The following KCNH1 variants were observed in gnomAD, a reference collection of about 807,000 sequenced individuals.
The protein encoded by KCNH1 is voltage-gated delayed rectifier potassium channel KCNH1.
A neutral mutation model predicts 69.2 loss-of-function variants in KCNH1; 27 were observed. The ratio of observed to expected loss-of-function variants is 0.39; its 90% CI spans 0.29 to 0.54. KCNH1 has a LOEUF of 0.54. KCNH1 is among the 20% of genes least tolerant of loss of function. KCNH1 has a pLI of 0.68. For synonymous variants in KCNH1, 456 were observed against 487.7 expected (o/e 0.93, Z 0.86); for missense variants, 798 against 1,261.6 (o/e 0.63, Z 5.57).
intron 9 of KCNH1, among the ~76,000 whole-genome samples, chr1:210,787,123 C>T (rs1013565257): frequency 1.3e-5 from 2 of 152,130 alleles, no homozygotes; most frequent in African/African-American, 4.8e-5. Flanking sequence ...CCTGTTCTAC[C>T]CTCTTGAGAA....
rs144747869 is a variant in KCNH1, at chr1:211,041,402, T to A, written c.559-22146A>T. Among the ~76,000 whole-genome samples, 956 of 152,304 alleles carry A rather than the reference T, an allele frequency of 6.3e-3. 11 individuals carry two copies. The highest frequency in any genetic ancestry group is 0.022 in the African/African-American group (908 of 41,560). On this transcript the variant is annotated intron_variant, in intron 5 of 10. Transcript: ENST00000271751. ...CAAGCAAACCTCCAGAACTAATCTATCACAGGGAGTTCTGTTGCTTCTACC... is the reference window on the plus strand; with the variant it reads ...CAAGCAAACCTCCAGAACTAATCTAACACAGGGAGTTCTGTTGCTTCTACC...
intron 6 of KCNH1, among the ~76,000 whole-genome samples, chr1:210,976,931 T>G (rs1452558180): frequency 6.7e-6 from 1 of 148,942 alleles, no homozygotes; most frequent in Non-Finnish European, 1.5e-5. Context: ...AGAAATACCA[T>G]TTGACCCAGC....
intron 10 of KCNH1, among the ~76,000 whole-genome samples, chr1:210,705,303 A>G (rs887922236): frequency 2.6e-5 from 4 of 152,214 alleles, no homozygotes; most frequent in Non-Finnish European, 4.4e-5. Flanking sequence ...TGAGTTGCTG[A>G]CAAAGCTGGC....
At chr1:210,684,591 G>T (rs1681368186) in intron 10 of KCNH1, among the ~76,000 whole-genome samples, 1 of 152,178 alleles carries the variant, frequency 6.6e-6, no homozygotes, top group South Asian at 2.1e-4. Flanking sequence ...CTGCACAAAA[G>T]TTTGAGCATC....
intron 7 of KCNH1, among the ~76,000 whole-genome samples, chr1:210,855,436 G>A (rs546517147): frequency 5.5e-4 from 84 of 152,314 alleles, no homozygotes; most frequent in African/African-American, 1.9e-3. Context: ...AAAGGTGTAG[G>A]CATTGTGGCC....
At chr1:210,845,109 CCAGGACCAGATGGATT>C (rs1295262420) in intron 7 of KCNH1, among the ~76,000 whole-genome samples, 4 of 152,086 alleles carry the variant, frequency 2.6e-5, no homozygotes, top group Non-Finnish European at 5.9e-5. Context: ...CAAAAAAAGT[CCAGGACCAGATGGATT>C]CACAGCCGAA....
chr1:210,867,627 T>G (rs1686142887), intron 7 of KCNH1, among the ~76,000 whole-genome samples: 2 of 152,062 alleles, frequency 1.3e-5, no homozygotes, highest in Admixed American at 6.6e-5. Context: ...ACATTCAAGA[T>G]ACAGAATATT....
chr1:211,066,481 A>T (rs1440912777), intron 5 of KCNH1, among the ~76,000 whole-genome samples: 2 of 152,186 alleles, frequency 1.3e-5, no homozygotes, highest in South Asian at 2.1e-4. Flanking sequence ...AATATTTTTA[A>T]TAATATTGTG....
At chr1:211,111,648 G>A (rs983607417) in intron 1 of KCNH1, among the ~76,000 whole-genome samples, 3 of 148,830 alleles carry the variant, frequency 2.0e-5, no homozygotes, top group Non-Finnish European at 4.5e-5. Context: ...TCTGGGAAGT[G>A]AGGAGCCCCT....
At chr1:211,097,330 C>T (rs566714144) in intron 3 of KCNH1, among the ~76,000 whole-genome samples, 6 of 151,756 alleles carry the variant, frequency 4.0e-5, no homozygotes, top group South Asian at 2.1e-4. Context: ...AAAAAGGAAA[C>T]GTATTTTTAT....
chr1:210,956,615 T>C lies in KCNH1; in HGVS notation c.1033-36546A>G, dbSNP rs182741574. On this transcript the variant is annotated intron_variant, in intron 6 of 10. Coordinates refer to ENST00000271751, the MANE Select transcript of KCNH1 (RefSeq NM_172362.3). The stretch of plus-strand genomic sequence containing the variant: ...AACCTGTTATTCGTCTATTCAGAGA[T>C]TCCACTTCTTCCTGGTTTAGTCTTG... Among the ~76,000 whole-genome samples the C allele has an allele frequency of 2.6e-3, 391 of 151,424 alleles. 3 individuals are homozygous for C. The highest frequency in any genetic ancestry group is 8.8e-3 in the African/African-American group (363 of 41,160).
chr1:210,909,327 A>C (rs1359005203), intron 7 of KCNH1, among the ~76,000 whole-genome samples: 1 of 151,986 alleles, frequency 6.6e-6, no homozygotes, highest in African/African-American at 2.4e-5. Flanking sequence ...TCCTTTACAC[A>C]CTCATCCAAC....
At position 211,134,093 on chromosome 1, in the gene KCNH1, G is replaced by A; in HGVS notation, c.-148C>T. 1.6e-6 allele frequency: 1 copy of A among 609,492 alleles called. No individual in the cohort carries two copies. The highest frequency in any genetic ancestry group is 2.8e-6 in the Non-Finnish European group (1 of 356,682). The allele number at this position is 609,492 out of a possible 1,614,324, so 37.8% of individuals were successfully genotyped here. ...CAGGCAGGGCTGGCGGCTCCCTCTG[G>A]CTGCTACCCTCGCGCCCTCTTCGCG... On this transcript the variant is annotated 5_prime_UTR_variant, in exon 1 of 11. Transcript: ENST00000271751. The surrounding 1 kb of genome is among the most constrained non-coding windows in gnomAD (Gnocchi z 5.7).
intron 10 of KCNH1, among the ~76,000 whole-genome samples, chr1:210,752,822 A>T (rs1483637238): frequency 1.3e-5 from 2 of 152,130 alleles, no homozygotes; most frequent in African/African-American, 4.8e-5. Flanking sequence ...TGGAAATAAG[A>T]TCTTTGAAAA....
intron 10 of KCNH1, among the ~76,000 whole-genome samples, chr1:210,767,653 A>G (rs1054658630): frequency 6.6e-6 from 1 of 152,230 alleles, no homozygotes; most frequent in Non-Finnish European, 1.5e-5. Context: ...CATCTAAGAC[A>G]TCAAGAAGCC....
Position 210,683,862 on chromosome 1 carries a change from G to A in KCNH1, c.2389C>T (p.Pro797Ser). ...GTGGAGGCTGCCTGGAAGGATACGG[G>A]CGTGGCAGGACTCTCACGCACGGTG... ...VVTVRESPAT[P>S]VSFQAASTSG... Residue 797 changes from proline to serine, a missense_variant, in exon 11 of 11, where the codon CCC becomes TCC. Physicochemically the swap from Pro to Ser is moderately conservative, Grantham distance 74. Around this residue, in one of 4 missense-constraint regions of KCNH1, gnomAD observed 331 missense variants for 363.2 expected, o/e 0.91. Coordinates refer to ENST00000271751, the MANE Select transcript of KCNH1 (RefSeq NM_172362.3). The surrounding 1 kb of genome is among the most constrained non-coding windows in gnomAD (Gnocchi z 5.7). 1 of 1,614,130 alleles carries A rather than the reference G, an allele frequency of 6.2e-7. No individual in the cohort carries two copies. Among genetic ancestry groups the A allele is most frequent in the Non-Finnish European group, 8.5e-7 (1 of 1,180,024 alleles).
chr1:210,892,974 G>C (rs1375768799), intron 7 of KCNH1, among the ~76,000 whole-genome samples: 3 of 152,152 alleles, frequency 2.0e-5, no homozygotes. Flanking sequence ...TAATCACAGA[G>C]AGCCTTGGGA....
At chr1:210,836,469 T>C (rs1043521616) in intron 7 of KCNH1, among the ~76,000 whole-genome samples, 3 of 152,118 alleles carry the variant, frequency 2.0e-5, no homozygotes, top group Non-Finnish European at 1.5e-5. Context: ...CATACAAACT[T>C]CTCATCTGTT....
chr1:211,109,063 TAA>T (rs1049557262), intron 1 of KCNH1, among the ~76,000 whole-genome samples: 5 of 152,226 alleles, frequency 3.3e-5, no homozygotes, highest in African/African-American at 1.2e-4. Flanking sequence ...TGCTCTAGTC[TAA>T]AAGGATGAGT....
Sources: allele counts gnomAD v4.1 joint callset (sites outside exome capture counted in the v4.1 genomes callset), GRCh38; gene constraint gnomAD v4.1.1; regional missense constraint gnomAD v4.1.1; non-coding constraint Gnocchi (gnomAD v3.1); transcripts MANE v1.5; gene names NCBI Gene and HGNC (gene_info 2026-07-23, HGNC 2026-07-21).